The following PRSS23 variants were observed in gnomAD, a reference collection of about 807,000 sequenced individuals.
PRSS23 encodes the protein serine protease 23, also known as protease, serine 23.
In PRSS23, 25 loss-of-function variants were observed where a neutral mutation model predicts 34.7. That is an observed-to-expected ratio of 0.72 (90% CI 0.53 to 1.01). The LOEUF is 1.01. Ranked by LOEUF, PRSS23 falls within the 50% of genes least tolerant of loss-of-function variation. The pLI is 0.00. For synonymous variants in PRSS23, 176 were observed against 186.6 expected (o/e 0.94, Z 0.46); for missense variants, 445 against 475.6 (o/e 0.94, Z 0.60).
At chr11:86,792,718 G>C (rs1241265033) in intron 1 of PRSS23, among the ~76,000 whole-genome samples, 1 of 152,180 alleles carries the variant, frequency 6.6e-6, no homozygotes, top group Non-Finnish European at 1.5e-5. Flanking sequence ...CATTGTGTTA[G>C]GCCTTTGAAA....
upstream of PRSS23, among the ~76,000 whole-genome samples, chr11:86,796,728 T>C (rs965436818): frequency 2.0e-5 from 3 of 151,640 alleles, no homozygotes; most frequent in Non-Finnish European, 4.4e-5. Flanking sequence ...TAAGCATAGA[T>C]ACAATTTAGT....
At chr11:86,943,241 C>A (rs1485912806) in intron 2 of PRSS23, among the ~76,000 whole-genome samples, 1 of 152,238 alleles carries the variant, frequency 6.6e-6, no homozygotes, top group African/African-American at 2.4e-5. Flanking sequence ...GCTATATAAT[C>A]TTTTAAAAAA....
At chr11:86,926,481 A>G (rs184897813) in intron 2 of PRSS23, among the ~76,000 whole-genome samples, 32 of 152,364 alleles carry the variant, frequency 2.1e-4, no homozygotes, top group Middle Eastern at 6.8e-3. Flanking sequence ...AAGAGTTTAA[A>G]TAAAGGGGTA....
chr11:86,799,991 G>A (rs1216830902), upstream of PRSS23, among the ~76,000 whole-genome samples: 1 of 152,204 alleles, frequency 6.6e-6, no homozygotes. Context: ...ACCTTAAGGC[G>A]CTAAAAGTGT....
chr11:86,937,905 C>T (rs1261637471), intron 2 of PRSS23: 1 of 152,194 alleles, frequency 6.6e-6, no homozygotes, highest in Admixed American at 6.5e-5. Context: ...GTAACAGAAT[C>T]TTCCAGTGTT....
intron 2 of PRSS23, among the ~76,000 whole-genome samples, chr11:86,878,392 G>A (rs910151859): frequency 2.0e-5 from 3 of 152,074 alleles, no homozygotes; most frequent in African/African-American, 7.2e-5. Context: ...CCTGCCAAGT[G>A]CCTGCGATTG....
intron 2 of PRSS23, among the ~76,000 whole-genome samples, chr11:86,912,488 T>G (rs1279305676): frequency 6.6e-6 from 1 of 152,236 alleles, no homozygotes; most frequent in South Asian, 2.1e-4. Flanking sequence ...CTCTCTGTTC[T>G]GCAAGTCAGT....
At chr11:86,805,831 A>G (rs1789771312) in intron 1 of PRSS23, among the ~76,000 whole-genome samples, 1 of 152,254 alleles carries the variant, frequency 6.6e-6, no homozygotes, top group Admixed American at 6.5e-5. Context: ...CAAAGTTGCC[A>G]GTAGATCTGT....
At chr11:86,912,932 A>G (rs1003053130) in intron 2 of PRSS23, among the ~76,000 whole-genome samples, 1 of 152,124 alleles carries the variant, frequency 6.6e-6, no homozygotes, top group Non-Finnish European at 1.5e-5. Flanking sequence ...TGTTTGTTTT[A>G]GCCAGTAATT....
chr11:86,945,856 AG>A (rs1423495601), intron 2 of PRSS23: 1 of 152,544 alleles, frequency 6.6e-6, no homozygotes. Context: ...CATGTGTAGC[AG>A]GAAGTTTGCC....
At chr11:86,877,983 C>T (rs2134955899) in intron 2 of PRSS23, among the ~76,000 whole-genome samples, 1 of 151,928 alleles carries the variant, frequency 6.6e-6, no homozygotes, top group East Asian at 1.9e-4. Flanking sequence ...AATTCTTGAA[C>T]ACAGGATGTC....
intron 2 of PRSS23, among the ~76,000 whole-genome samples, chr11:86,903,077 T>C (rs909965477): frequency 3.3e-5 from 5 of 152,178 alleles, no homozygotes; most frequent in African/African-American, 1.2e-4. Flanking sequence ...GAACTTTTCC[T>C]GCTACCATTT....
At chr11:86,943,736 A>G (rs1949221555) in intron 2 of PRSS23, among the ~76,000 whole-genome samples, 1 of 152,150 alleles carries the variant, frequency 6.6e-6, no homozygotes, top group South Asian at 2.1e-4. Context: ...GGCCAAAGGC[A>G]ACAGGAATTT....
intron 1 of PRSS23, among the ~76,000 whole-genome samples, chr11:86,793,969 G>T (rs970134074): frequency 3.3e-5 from 5 of 152,018 alleles, no homozygotes; most frequent in South Asian, 2.1e-4. Context: ...AGCACCGAAG[G>T]GTTTGGAAGC....
Position 86,808,131 on chromosome 11 carries a change from C to A in PRSS23, c.488C>A (p.Thr163Asn), listed in dbSNP as rs745939035. Residue 163 changes from threonine (T) to asparagine (N), a missense_variant, in exon 2 of 2, where the codon ACC becomes AAC. Coordinates refer to ENST00000280258, the MANE Select transcript of PRSS23 (RefSeq NM_007173.6). Reference protein sequence around the residue: ...SVKLSTGCTGTLVAEKHVLTA... With the variant: ...SVKLSTGCTGNLVAEKHVLTA... ...AAGTTATCCACGGGCTGCACCGGCA[C>A]CCTGGTGGCAGAGAAGCATGTCCTC... 1.2e-6 allele frequency: 2 copies of A among 1,614,190 alleles called. No individual in the cohort carries two copies. The highest frequency in any genetic ancestry group is 1.7e-6 in the Non-Finnish European group (2 of 1,180,046).
At chr11:86,917,774 A>G (rs571318498) in intron 2 of PRSS23, among the ~76,000 whole-genome samples, 10 of 152,336 alleles carry the variant, frequency 6.6e-5, no homozygotes, top group African/African-American at 2.4e-4. Flanking sequence ...ATCTCAGCCA[A>G]TATCTCACCC....
At chr11:86,879,738 C>A (rs1478257775) in intron 2 of PRSS23, among the ~76,000 whole-genome samples, 2 of 138,860 alleles carry the variant, frequency 1.4e-5, no homozygotes, top group Admixed American at 7.0e-5. Context: ...TGTCAGCCCC[C>A]CGCCCGGCCA....
intron 2 of PRSS23, among the ~76,000 whole-genome samples, chr11:86,939,358 G>A (rs7127451): frequency 0.62 from 88,121 of 141,626 alleles, 28,192 homozygotes; most frequent in Non-Finnish European, 0.71. Flanking sequence ...ACTGACCTCA[G>A]GAGAATAATT....
At chr11:86,873,735 T>G (rs1160308912) in intron 2 of PRSS23, among the ~76,000 whole-genome samples, 2 of 152,088 alleles carry the variant, frequency 1.3e-5, no homozygotes, top group African/African-American at 4.8e-5. Context: ...GATGTGAAAT[T>G]TGTGAGTTTT....
Sources: gnomAD v4.1 joint callset for allele counts (sites outside exome capture counted in the v4.1 genomes callset) on GRCh38, gnomAD v4.1.1 for gene constraint, MANE v1.5 for transcripts, NCBI Gene and HGNC (gene_info 2026-07-23, HGNC 2026-07-21) for gene names.